Variants in NRG1 observed in about 807,000 individuals in gnomAD.
The protein encoded by NRG1 is pro-neuregulin-1, membrane-bound isoform.
Under a neutral mutation model 63.8 loss-of-function variants are expected in NRG1, and 18 were observed. That is an observed-to-expected ratio of 0.28 (90% CI 0.19 to 0.42). The LOEUF is 0.42. NRG1 is among the 10% of genes least tolerant of loss of function. The probability of loss-of-function intolerance (pLI) is 1.00; values close to 1 mark genes in which losing one functional copy is unlikely to be tolerated. For missense variants in NRG1, 762 were observed against 814.7 expected, an observed-to-expected ratio of 0.94 and a Z score of 0.79; for synonymous variants, 302 against 301.3, an observed-to-expected ratio of 1.00 and a Z score of -0.02.
chr8:31,951,306 G>A (rs1418113696), intron 1 of NRG1, among the ~76,000 whole-genome samples: 9 of 152,146 alleles, frequency 5.9e-5, no homozygotes, highest in African/African-American at 1.9e-4. Context: ...AATCACCAGT[G>A]AGGGAAAAGT....
At chr8:31,680,539 A>G (rs531015829) in intron 1 of NRG1, among the ~76,000 whole-genome samples, 1 of 150,924 alleles carries the variant, frequency 6.6e-6, no homozygotes, top group South Asian at 2.1e-4. Context: ...CCAGTCTATC[A>G]TTGTTGGACA....
In NRG1 at chr8:32,408,931, C is replaced by A. The variant is rs114660758; in HGVS notation, c.38-186897C>A. ...GAGTCTCCAATGTCTATTATTCCAC[C>A]CTCTATGTCCATGTGTACTCATTAT... On this transcript the variant is annotated intron_variant, in intron 1 of 10. Transcript: ENST00000519301. Among the ~76,000 whole-genome samples, 967 of 152,086 alleles carry A rather than the reference C, an allele frequency of 6.4e-3. 13 individuals carry two copies. Among genetic ancestry groups the A allele is most frequent in the African/African-American group, 0.022 (928 of 41,476 alleles).
At chr8:31,918,199 C>T (rs1295347812) in intron 1 of NRG1, among the ~76,000 whole-genome samples, 1 of 152,144 alleles carries the variant, frequency 6.6e-6, no homozygotes, top group Non-Finnish European at 1.5e-5. Flanking sequence ...TTTATTTCCT[C>T]TCCTGCCTAA....
At chr8:31,867,115 A>G (rs755666038) in intron 1 of NRG1, among the ~76,000 whole-genome samples, 1 of 152,130 alleles carries the variant, frequency 6.6e-6, no homozygotes, top group Non-Finnish European at 1.5e-5. Context: ...CTTCATTGGA[A>G]ACCAGTACAG....
At chr8:32,655,679 A>G (rs1801314882) in intron 5 of NRG1, among the ~76,000 whole-genome samples, 1 of 152,168 alleles carries the variant, frequency 6.6e-6, no homozygotes, top group Non-Finnish European at 1.5e-5. Flanking sequence ...TCCCTTATAC[A>G]AATTGGTTAG....
chr8:32,477,688 G>C (rs1025522089), intron 1 of NRG1, among the ~76,000 whole-genome samples: 8 of 152,170 alleles, frequency 5.3e-5, no homozygotes, highest in African/African-American at 1.7e-4. Context: ...GGTGGTGGGA[G>C]AGGAATAGAG....
chr8:32,131,439 G>A (rs1328125829), intron 1 of NRG1, among the ~76,000 whole-genome samples: 1 of 151,990 alleles, frequency 6.6e-6, no homozygotes, highest in African/African-American at 2.4e-5. Context: ...TTCATGTTGA[G>A]TAGAGAATCC....
chr8:32,728,177 T>G, intron 6 of NRG1, 99 bp downstream of exon 6: 1 of 1,555,592 alleles, frequency 6.4e-7, no homozygotes, highest in Non-Finnish European at 8.7e-7. Context: ...CCAATTTTGT[T>G]GCATCATGTT....
At chr8:31,971,163 C>T (rs1030901927) in intron 1 of NRG1, among the ~76,000 whole-genome samples, 3 of 151,682 alleles carry the variant, frequency 2.0e-5, no homozygotes, top group Non-Finnish European at 4.4e-5. Context: ...AAGACTTCAT[C>T]GTATATTCTG....
At chr8:32,212,404 T>G (rs1016305758) in intron 1 of NRG1, among the ~76,000 whole-genome samples, 1 of 152,162 alleles carries the variant, frequency 6.6e-6, no homozygotes, top group African/African-American at 2.4e-5. Context: ...ACTAAAACTT[T>G]CTGTGCTATT....
chr8:31,687,064 C>T (rs563568925), intron 1 of NRG1, among the ~76,000 whole-genome samples: 5 of 152,050 alleles, frequency 3.3e-5, no homozygotes, highest in Non-Finnish European at 7.4e-5. Flanking sequence ...CCTCTGTGCC[C>T]GGCCCAGGAT....
At position 32,117,582 on chromosome 8, in the gene NRG1, A is replaced by G. The variant is rs189522653; in HGVS notation, c.37+478151A>G. On this transcript the variant is annotated intron_variant, in intron 1 of 10. Transcript: ENST00000519301. ...TGTGGTTACCTAGGATATATAAATT[A>G]CTTGACTTTGAAATTCATGATTAAC... 1.1e-4 allele frequency among the ~76,000 whole-genome samples: 16 copies of G among 152,224 alleles called. No homozygotes were observed. The East Asian group carries it at 3.1e-3, about 29-fold the overall frequency.
At chr8:32,635,089 G>A (rs1374514575) in intron 5 of NRG1, among the ~76,000 whole-genome samples, 2 of 152,240 alleles carry the variant, frequency 1.3e-5, no homozygotes, top group South Asian at 2.1e-4. Context: ...TTTCTAAGGT[G>A]ACTCGGACCT....
intron 1 of NRG1, among the ~76,000 whole-genome samples, chr8:32,165,503 A>G (rs1218433412): frequency 6.6e-6 from 1 of 152,206 alleles, no homozygotes; most frequent in Non-Finnish European, 1.5e-5. Flanking sequence ...AATAAACAAA[A>G]GAAAAAAGAA....
At chr8:31,869,636 C>T (rs1829304351) in intron 1 of NRG1, among the ~76,000 whole-genome samples, 1 of 152,154 alleles carries the variant, frequency 6.6e-6, no homozygotes, top group East Asian at 1.9e-4. Context: ...ATTATTCGTG[C>T]TCTGTGTTAG....
intron 1 of NRG1, among the ~76,000 whole-genome samples, chr8:31,984,010 G>A (rs183160091): frequency 2.6e-5 from 4 of 152,078 alleles, no homozygotes; most frequent in Non-Finnish European, 4.4e-5. Context: ...AAAGTGGGCA[G>A]AAGTCATGTT....
At chr8:32,700,712 G>A (rs1422239064) in intron 5 of NRG1, among the ~76,000 whole-genome samples, 1 of 152,166 alleles carries the variant, frequency 6.6e-6, no homozygotes, top group Non-Finnish European at 1.5e-5. Context: ...AATAAGAGTA[G>A]AAAGGGAATA....
chr8:31,947,319 AAAAAAAAAAAAAAG>A (rs1563603131), intron 1 of NRG1, among the ~76,000 whole-genome samples: 1 of 13,252 alleles, frequency 7.5e-5, no homozygotes, highest in Admixed American at 1.5e-3. Flanking sequence ...AAAAAAAAAA[AAAAAAAAAAAAAAG>A]AATGGATATA....
intron 1 of NRG1, among the ~76,000 whole-genome samples, chr8:32,065,579 C>A (rs4617115): frequency 2.6e-5 from 4 of 152,086 alleles, no homozygotes; most frequent in African/African-American, 9.6e-5. Flanking sequence ...TTAATCCAGT[C>A]TATCATTGTT....
Sources: allele counts gnomAD v4.1 joint callset (sites outside exome capture counted in the v4.1 genomes callset), GRCh38; gene constraint gnomAD v4.1.1; transcripts MANE v1.5; gene names NCBI Gene and HGNC (gene_info 2026-07-23, HGNC 2026-07-21).